SNX29: variants seen among roughly 807,000 people sequenced by gnomAD.
SNX29 encodes sorting nexin-29.
A neutral mutation model predicts 102.1 loss-of-function variants in SNX29; 78 were observed. The ratio of observed to expected loss-of-function variants is 0.76; its 90% CI spans 0.64 to 0.92. SNX29 has a LOEUF of 0.92. Ranked by LOEUF, SNX29 falls within the 40% of genes least tolerant of loss-of-function variation. SNX29 has a pLI of 0.00. For missense variants in SNX29, 1,280 were observed against 1,061.7 expected (o/e 1.21, Z -2.86); for synonymous variants, 580 against 414.5 (o/e 1.40, Z -4.85).
At chr16:12,400,760 A>C (rs543479329) in intron 17 of SNX29, among the ~76,000 whole-genome samples, 1 of 152,358 alleles carries the variant, frequency 6.6e-6, no homozygotes, top group African/African-American at 2.4e-5. Context: ...AAAAATCAAC[A>C]GAAATGAAAG....
intron 13 of SNX29, among the ~76,000 whole-genome samples, chr16:12,168,633 C>T (rs1480485726): frequency 2.6e-5 from 4 of 152,214 alleles, no homozygotes; most frequent in Non-Finnish European, 5.9e-5. Flanking sequence ...TGGAGCCAGC[C>T]TACTGTACAT....
At chr16:12,230,096 G>A (rs1405971199) in intron 14 of SNX29, among the ~76,000 whole-genome samples, 1 of 152,192 alleles carries the variant, frequency 6.6e-6, no homozygotes, top group Admixed American at 6.5e-5. Flanking sequence ...CATCAGCCCG[G>A]ATTTAGCCTC....
At chr16:12,226,312 A>G (rs2077609671) in intron 14 of SNX29, among the ~76,000 whole-genome samples, 1 of 152,230 alleles carries the variant, frequency 6.6e-6, no homozygotes, top group Non-Finnish European at 1.5e-5. Flanking sequence ...CCTCCCTGCA[A>G]CAGGAGAATG....
chr16:12,013,487 G>GAAAAA (rs1567525502), intron 3 of SNX29, among the ~76,000 whole-genome samples: 12 of 6,986 alleles, frequency 1.7e-3, no homozygotes, highest in African/African-American at 3.4e-3. Context: ...CTCTACTGGG[G>GAAAAA]GAAAAAAAAA....
At chr16:12,284,569 G>T (rs1438130907) in intron 15 of SNX29, among the ~76,000 whole-genome samples, 4 of 152,312 alleles carry the variant, frequency 2.6e-5, no homozygotes, top group African/African-American at 9.6e-5. Context: ...TTTAACTCTG[G>T]AGTTGTATAA....
Position 12,573,731 on chromosome 16 carries a change from C to G in SNX29, c.*5102C>G, listed in dbSNP as rs868812176. The G allele has an allele frequency of 1.3e-5, 3 of 223,492 alleles. No individual in the cohort carries two copies. The highest frequency in any genetic ancestry group is 1.3e-3 in the Middle Eastern group (1 of 746). 13.8% of individuals were successfully genotyped at this position (223,492 alleles called of 1,614,324 possible). On this transcript the variant is annotated 3_prime_UTR_variant, in exon 21 of 21. Coordinates refer to ENST00000566228, the MANE Select transcript of SNX29 (RefSeq NM_032167.5). ...GACAGTAGCACACGGAATGGTGGAT[C>G]GTACATTTGCACCCAGAGCTACTAA...
intron 20 of SNX29, among the ~76,000 whole-genome samples, chr16:12,539,215 C>G (rs1026148899): frequency 1.3e-5 from 2 of 152,164 alleles, no homozygotes; most frequent in Non-Finnish European, 2.9e-5. Flanking sequence ...CCATCACCGT[C>G]AAGATATAGA....
intron 20 of SNX29, among the ~76,000 whole-genome samples, chr16:12,560,329 G>A (rs1188092129): frequency 6.6e-6 from 1 of 152,078 alleles, no homozygotes; most frequent in Non-Finnish European, 1.5e-5. Flanking sequence ...ATAATGCTGG[G>A]TTTACCGAAG....
At chr16:12,327,804 G>C (rs1452370503) in intron 15 of SNX29, among the ~76,000 whole-genome samples, 2 of 152,094 alleles carry the variant, frequency 1.3e-5, no homozygotes, top group East Asian at 3.9e-4. Flanking sequence ...GTCCTAAATT[G>C]GGTCCCCTGT....
chr16:12,496,905 C>CT (rs1330089732), intron 19 of SNX29, among the ~76,000 whole-genome samples: 4 of 151,998 alleles, frequency 2.6e-5, no homozygotes, highest in African/African-American at 4.8e-5. Context: ...ATGAGCAAAG[C>CT]TGCAGAAGCA....
chr16:12,553,343 C>G (rs1354549258), intron 20 of SNX29, among the ~76,000 whole-genome samples: 3 of 152,188 alleles, frequency 2.0e-5, no homozygotes, highest in Non-Finnish European at 2.9e-5. Flanking sequence ...GGCAGAGAAA[C>G]CAGCTCGTCT....
chr16:12,141,941 C>T (rs1052400768), intron 13 of SNX29, among the ~76,000 whole-genome samples: 2 of 152,176 alleles, frequency 1.3e-5, no homozygotes, highest in Non-Finnish European at 2.9e-5. Flanking sequence ...GGGTCTCAGC[C>T]TCATTTTAAC....
intron 20 of SNX29, among the ~76,000 whole-genome samples, chr16:12,564,467 ATG>A (rs1409737216): frequency 3.9e-5 from 6 of 152,338 alleles, no homozygotes; most frequent in African/African-American, 1.4e-4. Context: ...TGGGGAGGTT[ATG>A]GATCTTTCTC....
At chr16:12,161,573 C>G (rs1022301605) in intron 13 of SNX29, among the ~76,000 whole-genome samples, 6 of 152,130 alleles carry the variant, frequency 3.9e-5, no homozygotes, top group African/African-American at 1.4e-4. Flanking sequence ...ATGTTTGTTC[C>G]CTCCAAATCT....
intron 19 of SNX29, among the ~76,000 whole-genome samples, chr16:12,501,506 G>A (rs1297469905): frequency 2.0e-5 from 3 of 152,120 alleles, no homozygotes; most frequent in Admixed American, 2.0e-4. Flanking sequence ...TGGATCACCT[G>A]AGGTCAGGAG....
chr16:12,514,979 C>G (rs1248056328), intron 19 of SNX29, among the ~76,000 whole-genome samples: 2 of 152,084 alleles, frequency 1.3e-5, no homozygotes, highest in African/African-American at 4.8e-5. Flanking sequence ...CGATGGGCTG[C>G]TGAGAATAAA....
chr16:12,571,678 G>GTC lies in SNX29; in HGVS notation c.*3054_*3055dup, dbSNP rs1480185939. 7.6e-6 allele frequency: 8 copies of GTC among 1,059,550 alleles called. No homozygotes were observed. Among genetic ancestry groups the GTC allele is most frequent in the Non-Finnish European group, 9.1e-6 (8 of 876,222 alleles). The allele number at this position is 1,059,550 out of a possible 1,614,324, so 65.6% of individuals were successfully genotyped here. A position where few individuals can be genotyped will look rare whatever the true frequency, so the allele number is the denominator to read the frequency against. On this transcript the variant is annotated 3_prime_UTR_variant, in exon 21 of 21. Transcript: ENST00000566228. ...AGGAACGGTAGGGCTGGGCAGAGGT[G>GTC]TCTCTCCTTGAGAGACAACAAAAGC...
At chr16:12,022,844 A>G (rs1227731942) in intron 3 of SNX29, among the ~76,000 whole-genome samples, 1 of 150,732 alleles carries the variant, frequency 6.6e-6, no homozygotes, top group African/African-American at 2.4e-5. Context: ...TTCCTCTAGC[A>G]TAGTATTTTC....
chr16:12,029,538 G>C (rs1446665453), intron 4 of SNX29: 3 of 453,588 alleles, frequency 6.6e-6, no homozygotes, highest in African/African-American at 6.0e-5. Context: ...AAAGGAGAAA[G>C]AACCACTGCC....
Sources: allele counts gnomAD v4.1 joint callset (sites outside exome capture counted in the v4.1 genomes callset), GRCh38; gene constraint gnomAD v4.1.1; transcripts MANE v1.5; gene names NCBI Gene and HGNC (gene_info 2026-07-23, HGNC 2026-07-21).